The following FAM185A variants were observed in gnomAD, a reference collection of about 807,000 sequenced individuals.
The protein encoded by FAM185A is protein FAM185A.
Under a neutral mutation model 45.7 loss-of-function variants are expected in FAM185A, and 21 were observed. The ratio of observed to expected loss-of-function variants is 0.46; its 90% CI spans 0.33 to 0.66. The LOEUF is 0.66. FAM185A is among the 30% of genes least tolerant of loss of function. The pLI is 0.03. For missense variants in FAM185A, 305 were observed against 485.4 expected (o/e 0.63, Z 3.49); for synonymous variants, 117 against 194.0 (o/e 0.60, Z 3.30).
the FAM185A span, among the ~76,000 whole-genome samples, chr7:102,840,967 A>C: frequency 2.0e-5 from 3 of 152,174 alleles, no homozygotes; most frequent in Non-Finnish European, 4.4e-5. Flanking sequence ...GTATGTGATG[A>C]GGGCTTTAGG....
intron 4 of FAM185A, among the ~76,000 whole-genome samples, chr7:102,762,029 T>A (rs1432391774): frequency 6.6e-6 from 1 of 152,096 alleles, no homozygotes; most frequent in African/African-American, 2.4e-5. Flanking sequence ...GTAAAAGCAG[T>A]GTTAGGTAAA....
chr7:102,824,676 G>A, the FAM185A span, among the ~76,000 whole-genome samples: 7 of 152,050 alleles, frequency 4.6e-5, no homozygotes, highest in South Asian at 1.2e-3. Context: ...AGTAGAGACA[G>A]GGTTTTACCA....
chr7:102,761,336 A>T lies in FAM185A; in HGVS notation c.718A>T (p.Lys240Ter), dbSNP rs1794093514. 6.5e-7 allele frequency: 1 copy of T among 1,547,682 alleles called. No individual in the cohort carries two copies. The highest frequency in any genetic ancestry group is 1.2e-5 in the South Asian group (1 of 83,192). ...VTVSTEDGLL[K>*]AKYLYTESSF... ...TGTATCTACCGAAGATGGTTTGCTG[A>T]AAGCCAAGTATCTTTATACAGAATC... The change falls in exon 4 of 8, where the codon AAA becomes TAA. Residue 240 changes from lysine to a stop codon, truncating the protein, a stop_gained. Transcript: ENST00000413034. LOFTEE classifies it high-confidence loss of function.
intron 6 of FAM185A, 118 bp from the exon 7 acceptor site, chr7:102,787,217 T>C (rs540093507): frequency 2.1e-6 from 2 of 957,068 alleles, no homozygotes; most frequent in African/African-American, 1.7e-5. Context: ...AAATACTGTA[T>C]GCTGAGGAGT....
At chr7:102,786,058 CA>C (rs1443806369) in intron 6 of FAM185A, among the ~76,000 whole-genome samples, 1 of 152,134 alleles carries the variant, frequency 6.6e-6, no homozygotes, top group Non-Finnish European at 1.5e-5. Context: ...GACATTTATG[CA>C]GCCAAAAGAC....
chr7:102,767,643 T>G (rs2129435523), intron 4 of FAM185A, among the ~76,000 whole-genome samples: 1 of 151,200 alleles, frequency 6.6e-6, no homozygotes. Context: ...CTTTTGAGTC[T>G]GAACTACCCT....
the FAM185A span, among the ~76,000 whole-genome samples, chr7:102,849,990 C>G: frequency 6.6e-6 from 1 of 151,398 alleles, no homozygotes; most frequent in East Asian, 1.9e-4. Flanking sequence ...GCACATGTAT[C>G]CTGTTTTGTT....
chr7:102,848,812 A>G, the FAM185A span, among the ~76,000 whole-genome samples: 1 of 152,038 alleles, frequency 6.6e-6, no homozygotes, highest in Non-Finnish European at 1.5e-5. Flanking sequence ...CAGTCTGGCC[A>G]ACATGGTGAA....
At chr7:102,799,976 C>T (rs1243049990) in intron 7 of FAM185A, among the ~76,000 whole-genome samples, 1 of 152,072 alleles carries the variant, frequency 6.6e-6, no homozygotes, top group East Asian at 1.9e-4. Context: ...ACCCACAGAC[C>T]CTCTGAAGGA....
chr7:102,758,426 G>GATTTTT (rs1562845336), intron 3 of FAM185A, among the ~76,000 whole-genome samples: 1 of 95,864 alleles, frequency 1.0e-5, no homozygotes. Context: ...TGCTCTCACA[G>GATTTTT]CTTTTTTTTT....
chr7:102,827,730 T>A, the FAM185A span, among the ~76,000 whole-genome samples: 3 of 152,078 alleles, frequency 2.0e-5, no homozygotes, highest in Non-Finnish European at 4.4e-5. Flanking sequence ...CCTGTGTCCA[T>A]GTGTTCTCAT....
intron 4 of FAM185A, among the ~76,000 whole-genome samples, chr7:102,767,134 C>CTTTTTT (rs56733214): frequency 7.2e-6 from 1 of 139,738 alleles, no homozygotes; most frequent in African/African-American, 2.7e-5. Flanking sequence ...AGAATTACAG[C>CTTTTTT]TTTTTTTTTT....
At chr7:102,847,762 C>A in the FAM185A span, among the ~76,000 whole-genome samples, 6 of 152,098 alleles carry the variant, frequency 3.9e-5, no homozygotes, top group African/African-American at 1.4e-4. Context: ...CTCCTGGCCT[C>A]AGGTAACCCA....
chr7:102,765,326 G>T (rs530020669), intron 4 of FAM185A, among the ~76,000 whole-genome samples: 10 of 152,276 alleles, frequency 6.6e-5, no homozygotes, highest in Admixed American at 5.2e-4. Context: ...TGAAAATGTA[G>T]ATGTTCCATA....
At chr7:102,846,441 A>G in the FAM185A span, among the ~76,000 whole-genome samples, 1 of 152,176 alleles carries the variant, frequency 6.6e-6, no homozygotes, top group Admixed American at 6.5e-5. Context: ...CAACATGGTG[A>G]AACACCATCT....
the FAM185A span, among the ~76,000 whole-genome samples, chr7:102,828,768 G>C: frequency 6.6e-6 from 1 of 152,156 alleles, no homozygotes; most frequent in South Asian, 2.1e-4. Flanking sequence ...GAGAAATTCT[G>C]TGCATGCCCT....
the FAM185A span, among the ~76,000 whole-genome samples, chr7:102,843,002 T>G: frequency 1.3e-5 from 2 of 152,236 alleles, no homozygotes; most frequent in African/African-American, 4.8e-5. Context: ...CAGTCCCTTA[T>G]GCCGAATCCC....
chr7:102,840,390 G>C, the FAM185A span, among the ~76,000 whole-genome samples: 30 of 152,196 alleles, frequency 2.0e-4, no homozygotes, highest in Non-Finnish European at 1.2e-4. Context: ...ATTTCAAAAA[G>C]TGGTGCCTAG....
At chr7:102,793,654 G>T (rs1796271162) in intron 7 of FAM185A, among the ~76,000 whole-genome samples, 1 of 151,902 alleles carries the variant, frequency 6.6e-6, no homozygotes, top group Admixed American at 6.6e-5. Flanking sequence ...AACTTTATCT[G>T]TAAACACCAT....
Sources: gnomAD v4.1 joint callset for allele counts (sites outside exome capture counted in the v4.1 genomes callset) on GRCh38, gnomAD v4.1.1 for gene constraint, MANE v1.5 for transcripts, NCBI Gene and HGNC (gene_info 2026-07-23, HGNC 2026-07-21) for gene names.